Variants in MYO5C observed in about 807,000 individuals in gnomAD.
MYO5C encodes the protein unconventional myosin-Vc.
Under a neutral mutation model 235.7 loss-of-function variants are expected in MYO5C, and 194 were observed. That is an observed-to-expected ratio of 0.82 (90% CI 0.73 to 0.93). The LOEUF is 0.93. MYO5C is among the 40% of genes least tolerant of loss of function. MYO5C has a pLI of 0.00. For missense variants in MYO5C, 2,038 were observed against 2,127.2 expected (o/e 0.96, Z 0.82); for synonymous variants, 707 against 754.8 (o/e 0.94, Z 1.04).
chr15:52,250,282 A>G (rs9920688), intron 13 of MYO5C, among the ~76,000 whole-genome samples: 140,833 of 144,932 alleles, frequency 0.97, 68,578 homozygotes, highest in South Asian at 1. Context: ...TCACTCTGTC[A>G]GCCAGGCTGG....
chr15:52,214,740 A>ATTTTTT, intron 32 of MYO5C, 50 bp from the exon 33 acceptor site: 4 of 981,748 alleles, frequency 4.1e-6, no homozygotes, highest in South Asian at 1.9e-5. Flanking sequence ...ACTTTAATCT[A>ATTTTTT]TTTTTTTTTT....
intron 23 of MYO5C, among the ~76,000 whole-genome samples, chr15:52,233,315 T>TAAATAAATAAAATA (rs763880839): frequency 3.1e-5 from 1 of 32,710 alleles, no homozygotes; most frequent in Admixed American, 3.1e-4. Context: ...AAAAAAAAAA[T>TAAATAAATAAAATA]AAATAAATAA....
intron 8 of MYO5C, 145 bp from the exon 9 acceptor site, chr15:52,264,441 G>T: frequency 1.5e-6 from 1 of 649,598 alleles, no homozygotes; most frequent in Non-Finnish European, 2.7e-6. Flanking sequence ...GGGGCATCTG[G>T]GGCACTGTTC....
chr15:52,194,051 G>A lies in MYO5C; in HGVS notation c.5080C>T (p.Leu1694Phe). 6.2e-7 allele frequency: 1 copy of A among 1,608,434 alleles called. No individual in the cohort carries two copies. The highest frequency in any genetic ancestry group is 8.5e-7 in the Non-Finnish European group (1 of 1,178,562). Residue 1694 changes from leucine to phenylalanine, a missense_variant, in exon 41 of 41, where the codon CTC (leucine) becomes TTC (phenylalanine). Leu to Phe is a conservative substitution (Grantham distance 22). Transcript: ENST00000261839. Reference sequence around the variant, plus strand: ...GATGAATCCTCCCGGCTATTTAGGAGAGCCTGAAATTAGAATCAGAGGAAA... The same window carrying A: ...GATGAATCCTCCCGGCTATTTAGGAAAGCCTGAAATTAGAATCAGAGGAAA... ...TPSFVRKVQALLNSREDSSQL... is the reference protein window; with the variant it reads ...TPSFVRKVQAFLNSREDSSQL...
intron 13 of MYO5C, among the ~76,000 whole-genome samples, chr15:52,249,812 G>T (rs1457756031): frequency 6.6e-6 from 1 of 152,226 alleles, no homozygotes; most frequent in Non-Finnish European, 1.5e-5. Context: ...ACCAAAGGAA[G>T]ATGTGCTGAG....
intron 31 of MYO5C, among the ~76,000 whole-genome samples, chr15:52,218,973 C>T (rs546897007): frequency 6.6e-6 from 1 of 152,320 alleles, no homozygotes; most frequent in Admixed American, 6.5e-5. Context: ...GGGACATCCA[C>T]GCCCACCATA....
chr15:52,267,710 T>A (rs1464025021), intron 8 of MYO5C, among the ~76,000 whole-genome samples: 1 of 152,100 alleles, frequency 6.6e-6, no homozygotes, highest in Non-Finnish European at 1.5e-5. Context: ...AGTCTCAGAG[T>A]GGGTAACCTT....
At chr15:52,239,345 T>C (rs2036161414) in intron 21 of MYO5C, among the ~76,000 whole-genome samples, 1 of 152,074 alleles carries the variant, frequency 6.6e-6, no homozygotes, top group Non-Finnish European at 1.5e-5. Context: ...TGTGGGAAAA[T>C]TAGAAATGGC....
chr15:52,218,196 C>T (rs749839134), intron 32 of MYO5C, among the ~76,000 whole-genome samples: 3 of 152,332 alleles, frequency 2.0e-5, no homozygotes, highest in East Asian at 1.9e-4. Flanking sequence ...AGCACTCACA[C>T]GTAGGCCTTG....
At chr15:52,195,558 G>A (rs1867212807) in intron 39 of MYO5C, 101 bp from the exon 40 acceptor site, 1 of 716,256 alleles carries the variant, frequency 1.4e-6, no homozygotes, top group Non-Finnish European at 2.1e-6. Context: ...AGCACAGGTG[G>A]TTCTTTTAGC....
intron 2 of MYO5C, among the ~76,000 whole-genome samples, chr15:52,282,189 C>A (rs1298309727): frequency 6.6e-6 from 1 of 152,172 alleles, no homozygotes; most frequent in Non-Finnish European, 1.5e-5. Context: ...CCAACAGAGG[C>A]ACCTCATAAT....
intron 5 of MYO5C, among the ~76,000 whole-genome samples, chr15:52,274,564 C>T (rs2036997184): frequency 6.6e-6 from 1 of 152,134 alleles, no homozygotes; most frequent in Admixed American, 6.5e-5. Context: ...AGATGTGAGC[C>T]ACCGCACCCA....
chr15:52,268,856 A>G (rs1241035135), intron 8 of MYO5C, among the ~76,000 whole-genome samples: 1 of 152,198 alleles, frequency 6.6e-6, no homozygotes. Context: ...AAGACCCTGG[A>G]GTGCAAAAGC....
intron 28 of MYO5C, among the ~76,000 whole-genome samples, chr15:52,224,058 G>A (rs778199070): frequency 1.1e-4 from 16 of 152,158 alleles, no homozygotes; most frequent in South Asian, 2.1e-4. Context: ...CGAGGTGGGC[G>A]GATCACTTGA....
At chr15:52,194,634 A>C (rs560680547) in intron 40 of MYO5C, among the ~76,000 whole-genome samples, 1 of 152,210 alleles carries the variant, frequency 6.6e-6, no homozygotes, top group Non-Finnish European at 1.5e-5. Flanking sequence ...AGTTTCCAAA[A>C]CAAAGAAAAT....
At chr15:52,256,977 C>T in intron 10 of MYO5C, 1 of 408,522 alleles carries the variant, frequency 2.4e-6, no homozygotes, top group Non-Finnish European at 4.5e-6. Flanking sequence ...AGCATGTCAC[C>T]ATATGGTGTA....
rs2035785132 is a variant in MYO5C at position 52,224,905 on chromosome 15, T to C, written c.3442A>G (p.Thr1148Ala). The C allele has an allele frequency of 6.2e-7, 1 of 1,612,316 alleles. No individual in the cohort carries two copies. The highest frequency in any genetic ancestry group is 8.5e-7 in the Non-Finnish European group (1 of 1,179,280). Reference protein sequence around the residue: ...WFAYEGLKKATRVLESHFQSQ... With the variant: ...WFAYEGLKKAARVLESHFQSQ... ...TCCCTGAGGAGAATTTCTAACCGTGTTGCTTTCTTTAGTCCTTCATAAGCA... is the reference window on the plus strand; with the variant it reads ...TCCCTGAGGAGAATTTCTAACCGTGCTGCTTTCTTTAGTCCTTCATAAGCA... Residue 1148 changes from threonine (T) to alanine (A), a missense_variant, in exon 28 of 41, where the codon ACA becomes GCA. Physicochemically the swap from Thr to Ala is moderately conservative, Grantham distance 58. Transcript: ENST00000261839.
intron 30 of MYO5C, among the ~76,000 whole-genome samples, 158 bp from the exon 31 acceptor site, chr15:52,219,980 C>T (rs2035640904): frequency 1.3e-5 from 2 of 152,100 alleles, no homozygotes; most frequent in Admixed American, 1.3e-4. Context: ...TCTTGGGCCA[C>T]ATATAAAATA....
chr15:52,239,823 G>A lies in MYO5C; in HGVS notation c.2613C>T (p.Ala871=). 6.2e-7 allele frequency: 1 copy of A among 1,613,566 alleles called. No individual in the cohort carries two copies. Residue 871 remains alanine, a synonymous_variant, in exon 21 of 41, where the codon GCC becomes GCT. Coordinates refer to ENST00000261839, the MANE Select transcript of MYO5C (RefSeq NM_018728.4). ...ILQKYARAWL[A]RRRFQSIRRF... is the part of the protein sequence containing the mutation. ...GTCGGATACTCTGGAATCTGCGTCT[G>A]GCCAGCCACGCCCGTGCGTATTTCT...
Sources: gnomAD v4.1 joint callset for allele counts (sites outside exome capture counted in the v4.1 genomes callset) on GRCh38, gnomAD v4.1.1 for gene constraint, MANE v1.5 for transcripts, NCBI Gene and HGNC (gene_info 2026-07-23, HGNC 2026-07-21) for gene names.